TENM1: variants seen among roughly 807,000 people sequenced by gnomAD.
The protein encoded by TENM1 is teneurin transmembrane protein 1.
A neutral mutation model predicts 174.8 loss-of-function variants in TENM1; 35 were observed. The ratio of observed to expected loss-of-function variants is 0.20; its 90% CI spans 0.15 to 0.27. TENM1 has a LOEUF of 0.27. Ranked by LOEUF, TENM1 falls within the 10% of genes least tolerant of loss-of-function variation. The pLI is 1.00. For synonymous variants in TENM1, 781 were observed against 798.7 expected (o/e 0.98, Z 0.37); for missense variants, 1,633 against 2,130.1 (o/e 0.77, Z 4.59).
chrX:125,090,013 A>T, the TENM1 span, among the ~76,000 whole-genome samples: 2 of 111,486 alleles, frequency 1.8e-5, no homozygotes, highest in Non-Finnish European at 3.8e-5. Context: ...CCTACTCCCC[A>T]CATTACACAA....
intron 3 of TENM1, among the ~76,000 whole-genome samples, chrX:124,797,947 T>C (rs756317390): frequency 9.0e-6 from 1 of 111,071 alleles, no homozygotes; most frequent in Non-Finnish European, 1.9e-5. Context: ...ACATGCAGTG[T>C]TTGGTTTTCT....
chrX:124,910,363 T>C, intron 1 of TENM1, among the ~76,000 whole-genome samples: 1 of 112,307 alleles, frequency 8.9e-6, no homozygotes, highest in East Asian at 2.8e-4. Context: ...GGACAATCTA[T>C]ATACATGAAT....
intron 1 of TENM1, among the ~76,000 whole-genome samples, chrX:124,955,797 GCACACACACA>G (rs376755403): frequency 2.3e-4 from 21 of 91,256 alleles, no homozygotes; most frequent in South Asian, 4.9e-4. Context: ...ACACGCGCAC[GCACACACACA>G]CACACACACA....
At chrX:124,645,206 C>T (rs372307543) in exon 10 of TENM1, 2 of 1,211,368 alleles carry the variant, frequency 1.7e-6, no homozygotes, top group Non-Finnish European at 2.2e-6. Flanking sequence ...ATGCAGGTGC[C>T]GTGGCCAAAG....
chrX:124,619,260 T>G (rs1346628951), intron 11 of TENM1, among the ~76,000 whole-genome samples: 3 of 112,011 alleles, frequency 2.7e-5, no homozygotes, highest in South Asian at 3.7e-4. Flanking sequence ...TAAATACTTT[T>G]CTGTACTTTT....
the TENM1 span, among the ~76,000 whole-genome samples, chrX:125,027,247 C>G: frequency 2.7e-5 from 3 of 111,074 alleles, no homozygotes; most frequent in African/African-American, 9.8e-5. Context: ...AAACCAATAA[C>G]AAACTTCTAT....
At chrX:124,460,134 T>A (rs924826265) in intron 22 of TENM1, among the ~76,000 whole-genome samples, 1 of 111,078 alleles carries the variant, frequency 9.0e-6, no homozygotes, top group African/African-American at 3.3e-5. Context: ...TTGGTAGGAG[T>A]GTAAATTAGT....
exon 31 of TENM1, chrX:124,382,716 T>G: frequency 8.3e-7 from 1 of 1,208,747 alleles, no homozygotes; most frequent in Non-Finnish European, 1.1e-6. Flanking sequence ...CCGTAGAAGC[T>G]CGTAAGTTAA....
chrX:125,108,752 ATATATATATACACAGATGTG>A, the TENM1 span, among the ~76,000 whole-genome samples: 7 of 109,922 alleles, frequency 6.4e-5, no homozygotes, highest in South Asian at 4.0e-4. Flanking sequence ...ACACGTGTAT[ATATATATATACACAGATGTG>A]TATATATATA....
intron 1 of TENM1, among the ~76,000 whole-genome samples, chrX:124,956,894 A>T (rs948814492): frequency 8.9e-6 from 1 of 112,505 alleles, no homozygotes; most frequent in African/African-American, 3.2e-5. Flanking sequence ...ACTGATATCT[A>T]AACTGTCTAC....
At chrX:125,157,276 C>T in the TENM1 span, among the ~76,000 whole-genome samples, 1 of 112,052 alleles carries the variant, frequency 8.9e-6, no homozygotes, top group Admixed American at 9.4e-5. Context: ...TACATGTAGA[C>T]ATAAGTTGTT....
At chrX:125,136,687 T>A in the TENM1 span, among the ~76,000 whole-genome samples, 3 of 111,767 alleles carry the variant, frequency 2.7e-5, no homozygotes, top group African/African-American at 9.8e-5. Flanking sequence ...GTTCCATATC[T>A]GCAGATTCAA....
chrX:125,128,751 A>T, the TENM1 span, among the ~76,000 whole-genome samples: 2 of 111,635 alleles, frequency 1.8e-5, no homozygotes, highest in Non-Finnish European at 3.8e-5. Context: ...TAAGCCACAG[A>T]AATAACTGAC....
intron 3 of TENM1, among the ~76,000 whole-genome samples, chrX:124,876,229 T>A (rs2057198443): frequency 8.9e-6 from 1 of 111,806 alleles, no homozygotes; most frequent in Admixed American, 9.6e-5. Context: ...TGGCACAGAA[T>A]AAACACATTT....
chrX:125,065,934 G>A, the TENM1 span, among the ~76,000 whole-genome samples: 2 of 111,894 alleles, frequency 1.8e-5, no homozygotes, highest in East Asian at 2.8e-4. Context: ...TGCTCAAAGT[G>A]TACCTGGAGT....
intron 1 of TENM1, among the ~76,000 whole-genome samples, chrX:124,919,174 C>T (rs2057980044): frequency 8.9e-6 from 1 of 112,172 alleles, no homozygotes; most frequent in Non-Finnish European, 1.9e-5. Flanking sequence ...CATTGAATGC[C>T]TTATAGTGGT....
intron 22 of TENM1, among the ~76,000 whole-genome samples, chrX:124,477,681 G>A (rs1243369104): frequency 9.2e-6 from 1 of 108,784 alleles, no homozygotes; most frequent in East Asian, 2.9e-4. Context: ...GAACTCGGGA[G>A]GTGGAGGTTG....
chrX:124,504,020 GAAGA>G (rs2047389918), intron 18 of TENM1, among the ~76,000 whole-genome samples: 1 of 111,629 alleles, frequency 9.0e-6, no homozygotes, highest in African/African-American at 3.3e-5. Context: ...CTGTAAAACT[GAAGA>G]GAGATGCTTT....
intron 3 of TENM1, among the ~76,000 whole-genome samples, chrX:124,842,936 G>A (rs1366313952): frequency 9.0e-6 from 1 of 111,264 alleles, no homozygotes; most frequent in Non-Finnish European, 1.9e-5. Context: ...AGAAGTCCTT[G>A]ACATTATACC....
Sources: gnomAD v4.1 joint callset for allele counts (sites outside exome capture counted in the v4.1 genomes callset) on GRCh38, gnomAD v4.1.1 for gene constraint, MANE v1.5 for transcripts, NCBI Gene and HGNC (gene_info 2026-07-23, HGNC 2026-07-21) for gene names.